Variants in AVL9 observed in about 807,000 individuals in gnomAD.
The protein encoded by AVL9 is late secretory pathway protein AVL9 homolog.
In AVL9, 49 loss-of-function variants were observed where a neutral mutation model predicts 79.2. That is an observed-to-expected ratio of 0.62 (90% CI 0.49 to 0.79). AVL9 has a LOEUF of 0.79. Among genes scored for constraint, AVL9 ranks in the 30% least tolerant of loss-of-function variants. AVL9 has a pLI of 0.00. For missense variants in AVL9, 682 were observed against 776.8 expected (o/e 0.88, Z 1.45); for synonymous variants, 299 against 280.6 (o/e 1.07, Z -0.65).
In AVL9 at chr7:32,574,753, A is replaced by C. The variant is rs144199808; in HGVS notation, c.1571-1202A>C. On this transcript the variant is annotated intron_variant, in intron 12 of 15. Transcript: ENST00000318709. ...GAGGCTTAGGTGGGATCTGATCCCAAACAGTTTGGCTTAGGCCCATACTCT... is the reference window on the plus strand; with the variant it reads ...GAGGCTTAGGTGGGATCTGATCCCACACAGTTTGGCTTAGGCCCATACTCT... 1.2e-3 allele frequency among the ~76,000 whole-genome samples: 89 copies of C among 74,688 alleles called. 2 individuals carry two copies. The Middle Eastern group carries it at 0.022, about 19-fold the overall frequency. 49.0% of individuals were successfully genotyped at this position (74,688 alleles called of 152,430 possible).
At chr7:32,513,894 A>G (rs1365063772) in intron 1 of AVL9, among the ~76,000 whole-genome samples, 2 of 152,208 alleles carry the variant, frequency 1.3e-5, no homozygotes, top group Admixed American at 6.5e-5. Context: ...CTGTGTCATA[A>G]ATAAGGAAAG....
intron 1 of AVL9, among the ~76,000 whole-genome samples, chr7:32,518,646 T>A (rs1479067279): frequency 6.6e-6 from 1 of 152,144 alleles, no homozygotes; most frequent in East Asian, 1.9e-4. Context: ...AAGAGTCTTT[T>A]ATGGTGAATT....
intron 2 of AVL9, among the ~76,000 whole-genome samples, chr7:32,544,425 C>A (rs1455750108): frequency 2.0e-5 from 3 of 152,160 alleles, no homozygotes; most frequent in Admixed American, 2.0e-4. Context: ...GAACGATTCC[C>A]TAAAGATTAA....
At chr7:32,545,364 C>CTT (rs10610945) in intron 3 of AVL9, among the ~76,000 whole-genome samples, 4,524 of 73,212 alleles carry the variant, frequency 0.062, 406 homozygotes, top group Non-Finnish European at 0.072. Flanking sequence ...TCTAAGATTT[C>CTT]TTTTTTTTTT....
At chr7:32,580,129 T>C in intron 13 of AVL9, 90 bp from the exon 14 acceptor site, 1 of 1,035,638 alleles carries the variant, frequency 9.7e-7, no homozygotes, top group Non-Finnish European at 1.5e-6. Context: ...GTGTTGTCCA[T>C]GAGAAGTTTA....
chr7:32,495,778 A>G lies in AVL9; in HGVS notation c.69A>G (p.Gly23=). The change falls in exon 1 of 16, where the codon GGA becomes GGG. Residue 23 remains glycine (G), a synonymous_variant. Coordinates refer to ENST00000318709, the MANE Select transcript of AVL9 (RefSeq NM_015060.3). ...RGPVLHIVVV[G]FHHKKGCQVE... ...CCGTACTGCACATCGTGGTGGTCGG[A>G]TTTCACCACAAGAAGGGCTGCCAGG... 7.9e-7 allele frequency: 1 copy of G among 1,259,298 alleles called. No individual in the cohort carries two copies. The highest frequency in any genetic ancestry group is 1.0e-6 in the Non-Finnish European group (1 of 992,210). The allele number at this position is 1,259,298 out of a possible 1,614,324, so 78.0% of individuals were successfully genotyped here.
At chr7:32,577,201 G>A (rs1209093441) in intron 13 of AVL9, among the ~76,000 whole-genome samples, 1 of 152,082 alleles carries the variant, frequency 6.6e-6, no homozygotes, top group East Asian at 1.9e-4. Flanking sequence ...CAGGCGTGGT[G>A]GTGGGTGCCT....
chr7:32,536,639 A>C (rs1298334755), intron 1 of AVL9: 5 of 152,010 alleles, frequency 3.3e-5, no homozygotes, highest in Non-Finnish European at 1.5e-5. Flanking sequence ...TTAACATCAA[A>C]CTCTGTAAGG....
At chr7:32,497,898 G>T (rs556199789) in intron 1 of AVL9, among the ~76,000 whole-genome samples, 1 of 152,110 alleles carries the variant, frequency 6.6e-6, no homozygotes. Context: ...TGATCCGCCC[G>T]CCTCGGCCTC....
At chr7:32,549,993 TC>T (rs1789737455) in intron 4 of AVL9, among the ~76,000 whole-genome samples, 2 of 142,520 alleles carry the variant, frequency 1.4e-5, no homozygotes, top group Non-Finnish European at 3.1e-5. Flanking sequence ...AGAAAATTGA[TC>T]AATTATTCAT....
At chr7:32,546,018 T>C (rs558799358) in intron 3 of AVL9, among the ~76,000 whole-genome samples, 2 of 151,376 alleles carry the variant, frequency 1.3e-5, no homozygotes, top group East Asian at 1.9e-4. Context: ...CTAGTCAAGA[T>C]TGACAACCAC....
rs55943269 is a variant in AVL9, at chr7:32,506,152, T to A, written c.93+10350T>A. ...TAGGCACAAGAGATTAACAAAAAAA[T>A]TTTTTTAATTTTTAATTTAAAATGT... On this transcript the variant is annotated intron_variant, in intron 1 of 15. Transcript: ENST00000318709. Among the ~76,000 whole-genome samples, 801 of 152,252 alleles carry A rather than the reference T, an allele frequency of 5.3e-3. 5 individuals carry two copies. Among genetic ancestry groups the A allele is most frequent in the African/African-American group, 0.017 (698 of 41,558 alleles).
intron 1 of AVL9, among the ~76,000 whole-genome samples, chr7:32,500,556 T>G (rs1395476948): frequency 3.9e-5 from 6 of 152,176 alleles, no homozygotes; most frequent in African/African-American, 1.4e-4. Flanking sequence ...TAATGCTAGT[T>G]TCTTTGGTTT....
intron 1 of AVL9, among the ~76,000 whole-genome samples, chr7:32,541,125 T>A (rs1300852359): frequency 2.6e-5 from 4 of 151,824 alleles, no homozygotes; most frequent in African/African-American, 7.2e-5. Context: ...ATGGTCTCGA[T>A]CTCCTGACCT....
At chr7:32,544,640 T>C in intron 2 of AVL9, 54 bp from the exon 3 acceptor site, 1 of 1,238,926 alleles carries the variant, frequency 8.1e-7, no homozygotes, top group South Asian at 1.2e-5. Context: ...ATTATACTAC[T>C]TATTAATAAG....
chr7:32,495,714 A>G lies in AVL9; in HGVS notation c.5A>G (p.Glu2Gly). The change falls in exon 1 of 16, where the codon GAG becomes GGG. Residue 2 changes from glutamate to glycine, a missense_variant. Transcript: ENST00000318709. M[E>G]KARRGGDGVP... ...GCGGGCCCGCGGCGGCCGCCCATGGAGAAGGCCAGGAGAGGCGGGGATGGC... is the reference window on the plus strand; with the variant it reads ...GCGGGCCCGCGGCGGCCGCCCATGGGGAAGGCCAGGAGAGGCGGGGATGGC... 2 of 1,256,920 alleles carry G rather than the reference A, an allele frequency of 1.6e-6. No individual in the cohort carries two copies. The highest frequency in any genetic ancestry group is 2.0e-6 in the Non-Finnish European group (2 of 991,350). The allele number at this position is 1,256,920 out of a possible 1,614,324, so 77.9% of individuals were successfully genotyped here. A position where few individuals can be genotyped will look rare whatever the true frequency, so the allele number is the denominator to read the frequency against.
In AVL9 at chr7:32,552,428, TCTTC is replaced by T. The variant is rs558578653; in HGVS notation, c.529+137_529+140del. 1.2e-3 allele frequency: 695 copies of T among 578,202 alleles called. 3 individuals are homozygous for T. The highest frequency in any genetic ancestry group is 0.012 in the African/African-American group (636 of 53,254). 35.8% of individuals were successfully genotyped at this position (578,202 alleles called of 1,614,324 possible). ...AAATTCTTCAACATTTGATGCTGTT[TCTTC>T]CTTAAATATCTTCTTAGCCAGTGTT... On this transcript the variant is annotated intron_variant, in intron 6 of 15. Coordinates refer to ENST00000318709, the MANE Select transcript of AVL9 (RefSeq NM_015060.3).
intron 1 of AVL9, among the ~76,000 whole-genome samples, chr7:32,507,106 C>T (rs1489455346): frequency 6.6e-6 from 1 of 152,062 alleles, no homozygotes; most frequent in African/African-American, 2.4e-5. Flanking sequence ...CTATATGGTC[C>T]TCTACAGTTG....
intron 10 of AVL9, among the ~76,000 whole-genome samples, chr7:32,565,491 A>G: frequency 6.6e-6 from 1 of 151,052 alleles, no homozygotes; most frequent in Admixed American, 6.6e-5. Context: ...CCCAGGAGGC[A>G]GAGGTTGCGA....
Sources: allele counts gnomAD v4.1 joint callset (sites outside exome capture counted in the v4.1 genomes callset), GRCh38; gene constraint gnomAD v4.1.1; transcripts MANE v1.5; gene names NCBI Gene and HGNC (gene_info 2026-07-23, HGNC 2026-07-21).